The following TEX26 variants were observed in gnomAD, a reference collection of about 807,000 sequenced individuals.
The protein encoded by TEX26 is testis-expressed protein 26.
TEX26 carries 34 observed loss-of-function variants against 35.3 expected under a neutral mutation model. The observed-to-expected ratio is 0.96, with a 90% CI of 0.73 to 1.28. TEX26 has a LOEUF of 1.28. TEX26 is among the 50% of genes most tolerant of loss of function. TEX26 has a pLI of 0.00. For missense variants in TEX26, 371 were observed against 330.1 expected, an observed-to-expected ratio of 1.12 and a Z score of -0.96; for synonymous variants, 136 against 111.8, an observed-to-expected ratio of 1.22 and a Z score of -1.36.
intron 1 of TEX26, among the ~76,000 whole-genome samples, chr13:30,935,036 C>G (rs1953219565): frequency 6.6e-6 from 1 of 152,142 alleles, no homozygotes; most frequent in African/African-American, 2.4e-5. Context: ...CTGGGCATCT[C>G]TGCAGCCTGC....
intron 2 of TEX26, among the ~76,000 whole-genome samples, chr13:30,944,728 A>C (rs1953640091): frequency 6.6e-6 from 1 of 151,970 alleles, no homozygotes; most frequent in Non-Finnish European, 1.5e-5. Flanking sequence ...CAGATTGTTT[A>C]ATTTCTATGT....
rs761757966 is a variant in TEX26, at chr13:30,952,661, CA to C, written c.152del (p.Asn51ThrfsTer6). The C allele has an allele frequency of 1.3e-5, 20 of 1,573,702 alleles. No individual in the cohort carries two copies. The highest frequency in any genetic ancestry group is 4.1e-5 in the African/African-American group (3 of 72,944). On this transcript the variant is annotated frameshift_variant and splice_region_variant, in exon 3 of 7. Transcript: ENST00000380473. LOFTEE classifies it high-confidence loss of function. ...AATTTCTGCTGGGTTTTTTTATAGC[CA>C]AAACGGTATCAGAAGATTAGGATAT... ...KTGAVPALIRQNGIRRLGYTY... is the reference protein window; with the variant it reads ...KTGAVPALIRXNGIRRLGYTY...
chr13:30,958,746 G>T (rs1043850918), intron 4 of TEX26, among the ~76,000 whole-genome samples: 8 of 152,044 alleles, frequency 5.3e-5, no homozygotes, highest in African/African-American at 1.9e-4. Flanking sequence ...CATCTCTAAA[G>T]TATTAATCCC....
At chr13:30,957,881 T>TA (rs1224452349) in intron 4 of TEX26, among the ~76,000 whole-genome samples, 1 of 152,246 alleles carries the variant, frequency 6.6e-6, no homozygotes, top group East Asian at 1.9e-4. Context: ...ATGTCAGAGA[T>TA]ACGGGAGTAA....
chr13:30,975,425 A>C lies in TEX26; in HGVS notation c.*518A>C, dbSNP rs1256365208. On this transcript the variant is annotated 3_prime_UTR_variant, in exon 7 of 7. Transcript: ENST00000380473. ...TTTATTGTATTTTTTAATCCCTTAT[A>C]TCTTTAATTGTATACTTGAATTGTT... is the stretch of plus-strand genomic sequence containing the variant. The C allele has an allele frequency of 3.3e-5, 5 of 152,180 alleles. No homozygotes were observed. The highest frequency in any genetic ancestry group is 4.8e-5 in the African/African-American group (2 of 41,464). 9.4% of individuals were successfully genotyped at this position (152,180 alleles called of 1,614,324 possible).
chr13:30,962,505 G>A (rs1042944491), intron 4 of TEX26, among the ~76,000 whole-genome samples: 1 of 152,270 alleles, frequency 6.6e-6, no homozygotes, highest in South Asian at 2.1e-4. Context: ...CCTCTCTTCT[G>A]GAAGCCTTCT....
At chr13:30,962,033 C>G (rs1414497959) in intron 4 of TEX26, among the ~76,000 whole-genome samples, 4 of 152,128 alleles carry the variant, frequency 2.6e-5, no homozygotes. Flanking sequence ...CATGAGCATT[C>G]CAACTCATCT....
chr13:30,967,395 C>G (rs908276277), intron 5 of TEX26, among the ~76,000 whole-genome samples: 11 of 152,180 alleles, frequency 7.2e-5, no homozygotes, highest in Non-Finnish European at 1.6e-4. Context: ...AGGGTAGCCC[C>G]ATCCCCCTTC....
At chr13:30,966,083 C>A in intron 4 of TEX26, 139 bp from the exon 5 acceptor site, 1 of 845,962 alleles carries the variant, frequency 1.2e-6, no homozygotes, top group Non-Finnish European at 1.8e-6. Context: ...CTTCCTGTGA[C>A]TGACAAAGCA....
chr13:30,969,444 T>C (rs1375083375), intron 6 of TEX26, among the ~76,000 whole-genome samples: 2 of 152,232 alleles, frequency 1.3e-5, no homozygotes, highest in South Asian at 4.1e-4. Context: ...ATTTTTGTGA[T>C]AAGCTTTTTA....
intron 1 of TEX26, among the ~76,000 whole-genome samples, chr13:30,938,435 G>A (rs935921360): frequency 1.3e-5 from 2 of 152,148 alleles, no homozygotes; most frequent in Admixed American, 1.3e-4. Flanking sequence ...CTGGCATTGG[G>A]TGAGGGCCTA....
At chr13:30,947,586 G>A (rs58802554) in intron 2 of TEX26, among the ~76,000 whole-genome samples, 18 of 152,106 alleles carry the variant, frequency 1.2e-4, no homozygotes, top group African/African-American at 1.4e-4. Flanking sequence ...CCCTGTCTCA[G>A]TTTCTGAGAA....
chr13:30,946,774 A>G (rs754693556), intron 2 of TEX26, among the ~76,000 whole-genome samples: 47 of 152,060 alleles, frequency 3.1e-4, no homozygotes, highest in African/African-American at 8.4e-4. Context: ...ATAAATTTAA[A>G]TAGCTGCAAA....
chr13:30,945,150 G>T (rs1350844010), intron 2 of TEX26, among the ~76,000 whole-genome samples: 2 of 151,818 alleles, frequency 1.3e-5, no homozygotes, highest in African/African-American at 2.4e-5. Context: ...ACAAATTTAG[G>T]ATTGTAATAT....
In TEX26 at chr13:30,944,107, T is replaced by A. The variant is rs550529969; in HGVS notation, c.146+4329T>A. 3.0e-4 allele frequency among the ~76,000 whole-genome samples: 46 copies of A among 151,720 alleles called. 3 individuals carry two copies. In the South Asian group the frequency reaches 6.9e-3, roughly 23 times the overall value. On this transcript the variant is annotated intron_variant, in intron 2 of 6. Transcript: ENST00000380473. Reference sequence around the variant, plus strand: ...CCCTGGCTTTTTTTGAAGTCGACAGTTTTTTTTATTACTGACTCAATCTTA... The same window carrying A: ...CCCTGGCTTTTTTTGAAGTCGACAGATTTTTTTATTACTGACTCAATCTTA...
chr13:30,959,701 A>T (rs1039100593), intron 4 of TEX26, among the ~76,000 whole-genome samples: 9 of 152,168 alleles, frequency 5.9e-5, no homozygotes, highest in African/African-American at 9.7e-5. Context: ...ACTTACCAAA[A>T]TTTTTTCCAA....
chr13:30,940,740 T>G (rs1953465038), intron 2 of TEX26, among the ~76,000 whole-genome samples: 1 of 152,006 alleles, frequency 6.6e-6, no homozygotes, highest in Non-Finnish European at 1.5e-5. Context: ...CTTTTCACCT[T>G]AAGCCTGGAC....
intron 2 of TEX26, among the ~76,000 whole-genome samples, chr13:30,951,104 C>G (rs1257234993): frequency 2.6e-5 from 4 of 152,096 alleles, no homozygotes; most frequent in Non-Finnish European, 5.9e-5. Flanking sequence ...GTCCCAGCTA[C>G]TTGGGAGTTT....
intron 4 of TEX26, among the ~76,000 whole-genome samples, chr13:30,957,601 G>A (rs551768529): frequency 3.8e-4 from 58 of 152,304 alleles, no homozygotes; most frequent in African/African-American, 1.3e-3. Context: ...GGCCCTTCAG[G>A]AAGAAGGTGG....
Sources: gnomAD v4.1 joint callset for allele counts (sites outside exome capture counted in the v4.1 genomes callset) on GRCh38, gnomAD v4.1.1 for gene constraint, MANE v1.5 for transcripts, NCBI Gene and HGNC (gene_info 2026-07-23, HGNC 2026-07-21) for gene names.